Variants in MRLN observed in about 807,000 individuals in gnomAD.
The protein encoded by MRLN is myoregulin.
At chr10:59,751,135 A>G (rs941772784) in intron 1 of MRLN, among the ~76,000 whole-genome samples, 1 of 152,210 alleles carries the variant, frequency 6.6e-6, no homozygotes, top group Non-Finnish European at 1.5e-5. Context: ...TTCTGAAACA[A>G]GCTGATTGTT....
At position 59,749,548 on chromosome 10, in the gene MRLN, G is replaced by T. The variant is rs186795114; in HGVS notation, c.-125+3806C>A. 1.5e-3 allele frequency among the ~76,000 whole-genome samples: 229 copies of T among 152,248 alleles called. 3 individuals carry two copies. The highest frequency in any genetic ancestry group is 5.4e-3 in the African/African-American group (225 of 41,546). On this transcript the variant is annotated intron_variant, in intron 1 of 2. Coordinates refer to ENST00000414264, the MANE Select transcript of MRLN (RefSeq NM_001304731.2). ...GCCTCTACTAAAAATGCAAAAATTA[G>T]CTGGGCGTGGTGGTTCGCACCTGTA...
At chr10:59,750,324 G>A (rs1177868141) in intron 1 of MRLN, among the ~76,000 whole-genome samples, 2 of 151,950 alleles carry the variant, frequency 1.3e-5, no homozygotes, top group Non-Finnish European at 2.9e-5. Flanking sequence ...ATCCTCCTTG[G>A]CCTCCCAAAA....
In MRLN at chr10:59,736,846, G is replaced by A; in HGVS notation, c.*214C>T. 1 of 233,298 alleles carries A rather than the reference G, an allele frequency of 4.3e-6. No homozygotes were observed. Among genetic ancestry groups the A allele is most frequent in the African/African-American group, 2.2e-5 (1 of 45,048 alleles). 14.5% of individuals were successfully genotyped at this position (233,298 alleles called of 1,614,324 possible). A position where few individuals can be genotyped will look rare whatever the true frequency, so the allele number is the denominator to read the frequency against. Reference sequence around the variant, plus strand: ...AGTTTCATGACTCAGTAGGATAGATGTTTTTGGGGAAAAAAATTCACTTCA... The same window carrying A: ...AGTTTCATGACTCAGTAGGATAGATATTTTTGGGGAAAAAAATTCACTTCA... On this transcript the variant is annotated 3_prime_UTR_variant, in exon 3 of 3. Coordinates refer to ENST00000414264, the MANE Select transcript of MRLN (RefSeq NM_001304731.2).
At chr10:59,742,084 C>T (rs550004326) in intron 1 of MRLN, among the ~76,000 whole-genome samples, 4 of 152,318 alleles carry the variant, frequency 2.6e-5, no homozygotes, top group African/African-American at 9.6e-5. Context: ...ACCCATTACA[C>T]TCCTAAGTGT....
At chr10:59,740,072 T>A (rs1840965755) in intron 1 of MRLN, among the ~76,000 whole-genome samples, 1 of 149,964 alleles carries the variant, frequency 6.7e-6, no homozygotes. Flanking sequence ...GCCTGGGAGA[T>A]GGAGTGAGAC....
At position 59,749,695 on chromosome 10, in the gene MRLN, A is replaced by ACAAAT. The variant is rs1488335227; in HGVS notation, c.-125+3658_-125+3659insATTTG. On this transcript the variant is annotated intron_variant, in intron 1 of 2. Coordinates refer to ENST00000414264, the MANE Select transcript of MRLN (RefSeq NM_001304731.2). ...GGTCTCAAAAAAAAAACAAAACAAA[A>ACAAAT]CAAGCAAACAAAAAAAGTAAGCCAA... is the stretch of plus-strand genomic sequence containing the variant. Among the ~76,000 whole-genome samples the ACAAAT allele has an allele frequency of 1.9e-4, 29 of 152,006 alleles. No homozygotes were observed. The East Asian group carries it at 5.4e-3, about 28-fold the overall frequency.
intron 1 of MRLN, among the ~76,000 whole-genome samples, chr10:59,742,859 G>A (rs549360068): frequency 6.6e-6 from 1 of 152,146 alleles, no homozygotes; most frequent in Non-Finnish European, 1.5e-5. Flanking sequence ...CTCATGAGTA[G>A]CTGGGGCCAC....
intron 1 of MRLN, among the ~76,000 whole-genome samples, chr10:59,744,004 G>T (rs7915601): frequency 0.15 from 22,926 of 152,016 alleles, 1,906 homozygotes; most frequent in East Asian, 0.33. Context: ...GCGTGATCTC[G>T]GCTCGCTACA....
At chr10:59,743,437 G>C (rs963907239) in intron 1 of MRLN, among the ~76,000 whole-genome samples, 4 of 152,108 alleles carry the variant, frequency 2.6e-5, no homozygotes, top group African/African-American at 9.7e-5. Context: ...TTTAATGAAA[G>C]TATGTAACTT....
chr10:59,748,987 C>T (rs1186844661), intron 1 of MRLN, among the ~76,000 whole-genome samples: 1 of 152,226 alleles, frequency 6.6e-6, no homozygotes, highest in Non-Finnish European at 1.5e-5. Flanking sequence ...GATGATCAGT[C>T]AGCAAGGTGG....
chr10:59,752,896 A>C (rs2070177970), intron 1 of MRLN, among the ~76,000 whole-genome samples: 1 of 152,200 alleles, frequency 6.6e-6, no homozygotes, highest in Admixed American at 6.5e-5. Flanking sequence ...CAAGGGGGAA[A>C]AAAACAAAAG....
At chr10:59,749,564 C>A (rs1251667299) in intron 1 of MRLN, among the ~76,000 whole-genome samples, 1 of 151,990 alleles carries the variant, frequency 6.6e-6, no homozygotes, top group South Asian at 2.1e-4. Flanking sequence ...CGTGGTGGTT[C>A]GCACCTGTAG....
At chr10:59,749,681 AAAAAC>A (rs1202050548) in intron 1 of MRLN, among the ~76,000 whole-genome samples, 1 of 152,020 alleles carries the variant, frequency 6.6e-6, no homozygotes, top group Non-Finnish European at 1.5e-5. Context: ...GTCTCAAAAA[AAAAAC>A]AAAACAAAAC....
chr10:59,753,323 A>G (rs2070184721), intron 1 of MRLN, 31 bp downstream of exon 1: 1 of 137,378 alleles, frequency 7.3e-6, no homozygotes, highest in African/African-American at 2.8e-5. Context: ...ATTAAAAAAC[A>G]AAACAAAACA....
At chr10:59,745,265 G>A (rs1841031912) in intron 1 of MRLN, among the ~76,000 whole-genome samples, 1 of 152,074 alleles carries the variant, frequency 6.6e-6, no homozygotes, top group South Asian at 2.1e-4. Flanking sequence ...ATAGAAACAT[G>A]TACCAAAAAA....
At chr10:59,744,432 C>T (rs1841019492) in intron 1 of MRLN, among the ~76,000 whole-genome samples, 1 of 151,496 alleles carries the variant, frequency 6.6e-6, no homozygotes, top group Non-Finnish European at 1.5e-5. Context: ...CCGGCAGCTG[C>T]CCCTTCCGGG....
At chr10:59,750,964 G>A (rs563903689) in intron 1 of MRLN, among the ~76,000 whole-genome samples, 1 of 152,358 alleles carries the variant, frequency 6.6e-6, no homozygotes, top group Admixed American at 6.5e-5. Flanking sequence ...TTCCCATTTG[G>A]AGTTGGTGAA....
intron 1 of MRLN, among the ~76,000 whole-genome samples, chr10:59,743,245 A>G (rs1244433254): frequency 7.6e-6 from 1 of 130,826 alleles, no homozygotes; most frequent in African/African-American, 3.0e-5. Context: ...CATTTCTCAC[A>G]TTCATTCATT....
intron 1 of MRLN, among the ~76,000 whole-genome samples, chr10:59,748,171 G>T (rs1208883080): frequency 6.6e-6 from 1 of 151,978 alleles, no homozygotes. Flanking sequence ...GGACGTGCAG[G>T]GTTTTAGAAT....
Sources: gnomAD v4.1 joint callset for allele counts (sites outside exome capture counted in the v4.1 genomes callset) on GRCh38, gnomAD v4.1.1 for gene constraint, MANE v1.5 for transcripts, NCBI Gene and HGNC (gene_info 2026-07-23, HGNC 2026-07-21) for gene names.